Variants in CHL1 observed in about 807,000 individuals in gnomAD.
CHL1 encodes cell adhesion molecule L1 like, also known as neural cell adhesion molecule L1-like protein.
Under a neutral mutation model 141.9 loss-of-function variants are expected in CHL1, and 96 were observed. The ratio of observed to expected loss-of-function variants is 0.68; its 90% confidence interval spans 0.57 to 0.80. The LOEUF is 0.80. CHL1 is among the 30% of genes least tolerant of loss of function. The pLI is 0.00. For synonymous variants in CHL1, 613 were observed against 502.2 expected (o/e 1.22, Z -2.95); for missense variants, 1,820 against 1,457.2 (o/e 1.25, Z -4.05).
chr3:307,581 T>A (rs1462511067), intron 2 of CHL1, among the ~76,000 whole-genome samples: 2 of 152,184 alleles, frequency 1.3e-5, no homozygotes, highest in Non-Finnish European at 2.9e-5. Context: ...GCTCCCTTGA[T>A]TTTTTAATAT....
Position 331,387 on chromosome 3 carries a change from C to T in CHL1, c.385+3033C>T, listed in dbSNP as rs541982660. ...AACTAGGACTACAGGCGAGTGCTAC[C>T]GTGCCTGGCCAATTTTTATTTTTAT... On this transcript the variant is annotated intron_variant, in intron 5 of 27. Coordinates refer to ENST00000256509, the MANE Select transcript of CHL1 (RefSeq NM_006614.4). Among the ~76,000 whole-genome samples the T allele has an allele frequency of 3.3e-5, 5 of 152,126 alleles. No homozygotes were observed. The South Asian group carries it at 1.0e-3, about 32-fold the overall frequency.
Position 349,473 on chromosome 3 carries a change from A to C in CHL1, c.963A>C (p.Lys321Asn). 6.2e-7 allele frequency: 1 copy of C among 1,614,108 alleles called. No individual in the cohort carries two copies. Among genetic ancestry groups the C allele is most frequent in the Non-Finnish European group, 8.5e-7 (1 of 1,179,958 alleles). ...LKIENVSYQDKGNYRCTASNF... is the reference protein window; with the variant it reads ...LKIENVSYQDNGNYRCTASNF... ...TAGAGAATGTCTCCTACCAGGACAA[A>C]GGAAATTATCGCTGCACAGCCAGCA... Residue 321 changes from lysine to asparagine, a missense_variant, in exon 10 of 28, where the codon AAA becomes AAC. By Grantham distance (94) the Lys-to-Asn change is moderately conservative (BLOSUM62 0). Transcript: ENST00000256509.
chr3:376,505 T>C (rs1706345578), intron 15 of CHL1: 1 of 465,284 alleles, frequency 2.1e-6, no homozygotes, highest in African/African-American at 2.0e-5. Context: ...TAAGATACAT[T>C]TGTGAGACTG....
chr3:231,016 C>A (rs1199558102), intron 1 of CHL1, among the ~76,000 whole-genome samples: 3 of 152,146 alleles, frequency 2.0e-5, no homozygotes, highest in Non-Finnish European at 4.4e-5. Flanking sequence ...GGGTTAAGAA[C>A]CCTTAACCTG....
intron 1 of CHL1, among the ~76,000 whole-genome samples, chr3:227,271 A>G (rs981194537): frequency 6.6e-6 from 1 of 152,230 alleles, no homozygotes; most frequent in Non-Finnish European, 1.5e-5. Flanking sequence ...AAGAAACACA[A>G]GGAACAAAAA....
chr3:266,618 T>TA (rs11395731), intron 2 of CHL1, among the ~76,000 whole-genome samples: 37,655 of 152,120 alleles, frequency 0.25, 4,790 homozygotes, highest in Middle Eastern at 0.32. Context: ...ATATGTCTGA[T>TA]AGTGATTGTG....
rs540685296 is a variant in CHL1, at chr3:260,305, C to G, written c.-95+15613C>G. ...AAATGTTTGAAAAATCAAAAAATGG[C>G]CATCTTCCTTTACATTCTTAAAGGA... On this transcript the variant is annotated intron_variant, in intron 2 of 27. Coordinates refer to ENST00000256509, the MANE Select transcript of CHL1 (RefSeq NM_006614.4). Among the ~76,000 whole-genome samples the G allele has an allele frequency of 1.7e-4, 25 of 149,106 alleles. No individual in the cohort carries two copies. In the South Asian group the frequency reaches 5.2e-3, roughly 31 times the overall value.
chr3:278,465 G>T (rs1696349619), intron 2 of CHL1, among the ~76,000 whole-genome samples: 1 of 152,208 alleles, frequency 6.6e-6, no homozygotes. Context: ...CAGGGGACCA[G>T]TGGTATGTCA....
At chr3:329,766 A>G (rs1323764828) in intron 5 of CHL1, among the ~76,000 whole-genome samples, 1 of 152,056 alleles carries the variant, frequency 6.6e-6, no homozygotes, top group Non-Finnish European at 1.5e-5. Flanking sequence ...CAGAAAAGAT[A>G]TCCCAGACAA....
intron 2 of CHL1, among the ~76,000 whole-genome samples, chr3:299,509 A>C (rs139675074): frequency 1.3e-5 from 2 of 152,216 alleles, no homozygotes; most frequent in African/African-American, 4.8e-5. Context: ...GATAATAAAA[A>C]TAGCTACCAA....
chr3:319,359 C>G (rs1308571724), intron 2 of CHL1, among the ~76,000 whole-genome samples: 1 of 151,506 alleles, frequency 6.6e-6, no homozygotes, highest in Non-Finnish European at 1.5e-5. Flanking sequence ...GCAAAGTTAC[C>G]TCCTGAATCT....
chr3:211,074 C>G (rs557661109), intron 1 of CHL1, among the ~76,000 whole-genome samples: 1 of 152,210 alleles, frequency 6.6e-6, no homozygotes, highest in South Asian at 2.1e-4. Flanking sequence ...TTAAGAGAAC[C>G]AGGAGTATCT....
intron 1 of CHL1, among the ~76,000 whole-genome samples, chr3:239,773 A>G (rs893313605): frequency 2.0e-5 from 3 of 151,904 alleles, no homozygotes; most frequent in African/African-American, 7.3e-5. Flanking sequence ...CTTTCCCCCA[A>G]GTCCCCAAAG....
chr3:207,629 A>G (rs1699552738), intron 1 of CHL1, among the ~76,000 whole-genome samples: 1 of 152,184 alleles, frequency 6.6e-6, no homozygotes, highest in South Asian at 2.1e-4. Context: ...AATAGGCTAT[A>G]TTGCGTTATT....
intron 2 of CHL1, among the ~76,000 whole-genome samples, chr3:249,850 C>G (rs191195592): frequency 6.6e-6 from 1 of 152,052 alleles, no homozygotes; most frequent in Non-Finnish European, 1.5e-5. Context: ...ATAGCCAGCT[C>G]CCTAACTCTG....
chr3:387,910 C>T lies in CHL1; in HGVS notation c.2248-1342C>T, dbSNP rs1258522525. On this transcript the variant is annotated intron_variant, in intron 19 of 27. Coordinates refer to ENST00000256509, the MANE Select transcript of CHL1 (RefSeq NM_006614.4). ...TAGGAATACACTTAAAATTATTTTG[C>T]TGATATGTCACTACCCTTTCAACTT... is the stretch of plus-strand genomic sequence containing the variant. Among the ~76,000 whole-genome samples the T allele has an allele frequency of 3.3e-5, 5 of 152,060 alleles. 1 individual carries two copies. The South Asian group carries it at 1.0e-3, about 32-fold the overall frequency.
chr3:327,122 C>A (rs552432777), intron 4 of CHL1, among the ~76,000 whole-genome samples: 14 of 151,910 alleles, frequency 9.2e-5, no homozygotes, highest in African/African-American at 3.4e-4. Flanking sequence ...ATAAGACACA[C>A]AGAGAGAAGT....
intron 2 of CHL1, among the ~76,000 whole-genome samples, chr3:295,475 G>T (rs187575894): frequency 6.6e-6 from 1 of 152,148 alleles, no homozygotes; most frequent in East Asian, 2.0e-4. Flanking sequence ...ACAAACAAAG[G>T]CACATTAAAA....
Position 344,687 on chromosome 3 carries a change from C to T in CHL1, c.826C>T (p.Leu276Phe). ...ITILKGEILLLECFAEGLPTP... is the reference protein window; with the variant it reads ...ITILKGEILLFECFAEGLPTP... Reference sequence around the variant, plus strand: ...CATCCTCAAAGGGGAAATCTTGCTGCTTGAGTGTTTTGCTGAAGGCTTGTG... The same window carrying T: ...CATCCTCAAAGGGGAAATCTTGCTGTTTGAGTGTTTTGCTGAAGGCTTGTG... The change falls in exon 9 of 28, where the codon CTT (leucine) becomes TTT (phenylalanine). Residue 276 changes from leucine to phenylalanine, a missense_variant. Leu to Phe is a conservative substitution (Grantham distance 22). Coordinates refer to ENST00000256509, the MANE Select transcript of CHL1 (RefSeq NM_006614.4). 6.2e-7 allele frequency: 1 copy of T among 1,613,688 alleles called. No homozygotes were observed. The highest frequency in any genetic ancestry group is 8.5e-7 in the Non-Finnish European group (1 of 1,179,778).
Sources: allele counts gnomAD v4.1 joint callset (sites outside exome capture counted in the v4.1 genomes callset), GRCh38; gene constraint gnomAD v4.1.1; transcripts MANE v1.5; gene names NCBI Gene and HGNC (gene_info 2026-07-23, HGNC 2026-07-21).